Variants in TSNARE1 observed in about 807,000 individuals in gnomAD.
TSNARE1 encodes the protein t-SNARE domain-containing protein 1.
A neutral mutation model predicts 62.0 loss-of-function variants in TSNARE1; 49 were observed. The ratio of observed to expected loss-of-function variants is 0.79; its 90% confidence interval spans 0.63 to 1.00. TSNARE1 has a LOEUF of 1.00. Ranked by LOEUF, TSNARE1 falls within the 50% of genes least tolerant of loss-of-function variation. The probability of loss-of-function intolerance (pLI) is 0.00; values close to 1 mark genes in which losing one functional copy is unlikely to be tolerated. For missense variants in TSNARE1, 755 were observed against 700.1 expected (o/e 1.08, Z -0.88); for synonymous variants, 328 against 294.4 (o/e 1.11, Z -1.17).
At chr8:142,223,424 T>G (rs1195601804) in intron 13 of TSNARE1, among the ~76,000 whole-genome samples, 1 of 144,576 alleles carries the variant, frequency 6.9e-6, no homozygotes, top group Non-Finnish European at 1.5e-5. Context: ...TCACTCATAC[T>G]CATTCACTCA....
intron 1 of TSNARE1, among the ~76,000 whole-genome samples, chr8:142,398,697 G>C (rs1293686992): frequency 2.0e-5 from 3 of 152,208 alleles, no homozygotes; most frequent in African/African-American, 7.2e-5. Context: ...CATGGCCTTA[G>C]CATAGTCTCA....
chr8:142,307,533 G>C (rs1016113144), intron 9 of TSNARE1, among the ~76,000 whole-genome samples: 3 of 152,062 alleles, frequency 2.0e-5, no homozygotes, highest in African/African-American at 7.2e-5. Context: ...ATCACCTCTA[G>C]GTTGCCTATA....
intron 12 of TSNARE1, chr8:142,273,602 T>C (rs34667744): frequency 0.47 from 465,412 of 985,132 alleles, 111,795 homozygotes; most frequent in African/African-American, 0.69. Flanking sequence ...CAACAGGGAC[T>C]GACCCTTGGT....
At position 142,349,891 on chromosome 8, in the gene TSNARE1, A is replaced by G. The variant is rs115753995; in HGVS notation, c.89-3999T>C. On this transcript the variant is annotated intron_variant, in intron 2 of 13. Coordinates refer to ENST00000524325, the MANE Select transcript of TSNARE1 (RefSeq NM_145003.5). ...GCAGGCAGGGTGGGTAGACAGGGCAAGGCAGACAGGGCAGGGACCAAGCAG... is the reference window on the plus strand; with the variant it reads ...GCAGGCAGGGTGGGTAGACAGGGCAGGGCAGACAGGGCAGGGACCAAGCAG... Among the ~76,000 whole-genome samples, 914 of 145,114 alleles carry G rather than the reference A, an allele frequency of 6.3e-3. 10 individuals are homozygous for G. The highest frequency in any genetic ancestry group is 0.022 in the African/African-American group (857 of 38,812).
At chr8:142,284,127 AGGGCCAGTGTCTGTCAATGAGCAGAGTGG>A (rs1563827238) in intron 11 of TSNARE1, among the ~76,000 whole-genome samples, 1 of 100,522 alleles carries the variant, frequency 9.9e-6, no homozygotes, top group Admixed American at 9.0e-5. Context: ...GAGGAGAGGC[AGGGCCAGTGTCTGTCAATGAGCAGAGTGG>A]GGGCCAGTGT....
intron 13 of TSNARE1, among the ~76,000 whole-genome samples, chr8:142,223,321 T>TTCAC (rs1816581990): frequency 1.1e-5 from 1 of 87,742 alleles, no homozygotes; most frequent in South Asian, 4.0e-4. Context: ...CACTCACTCA[T>TTCAC]TCACTCACTC....
At chr8:142,375,361 G>A (rs1394935321) in intron 1 of TSNARE1, among the ~76,000 whole-genome samples, 3 of 152,260 alleles carry the variant, frequency 2.0e-5, no homozygotes, top group East Asian at 1.9e-4. Context: ...CGGGTAGCAG[G>A]TGAGGAGCGC....
intron 6 of TSNARE1, among the ~76,000 whole-genome samples, chr8:142,323,305 C>T (rs764544059): frequency 1.3e-5 from 2 of 152,148 alleles, no homozygotes; most frequent in South Asian, 2.1e-4. Flanking sequence ...GGAGGAGATG[C>T]GTTTGGGCAG....
chr8:142,366,995 T>C (rs527240397), intron 1 of TSNARE1, among the ~76,000 whole-genome samples: 33 of 152,272 alleles, frequency 2.2e-4, no homozygotes, highest in African/African-American at 7.7e-4. Flanking sequence ...GAGGCTGCCA[T>C]GGTAGGAAAA....
At chr8:142,224,742 C>T (rs1250360001) in intron 13 of TSNARE1, among the ~76,000 whole-genome samples, 1 of 151,310 alleles carries the variant, frequency 6.6e-6, no homozygotes, top group Non-Finnish European at 1.5e-5. Context: ...GGGCTGGCCT[C>T]TTGGAGCTCC....
At chr8:142,331,173 C>T (rs1043385417) in intron 5 of TSNARE1, among the ~76,000 whole-genome samples, 1 of 152,252 alleles carries the variant, frequency 6.6e-6, no homozygotes, top group African/African-American at 2.4e-5. Flanking sequence ...GAACCCCTCC[C>T]CAGCTGGCCT....
intron 1 of TSNARE1, among the ~76,000 whole-genome samples, chr8:142,402,467 G>A (rs1838364572): frequency 6.6e-6 from 1 of 152,256 alleles, no homozygotes; most frequent in African/African-American, 2.4e-5. Context: ...CAGGAGGAGT[G>A]CGCCATGAGG....
chr8:142,368,189 G>C (rs1835684814), intron 1 of TSNARE1, among the ~76,000 whole-genome samples: 2 of 150,374 alleles, frequency 1.3e-5, no homozygotes, highest in South Asian at 4.2e-4. Flanking sequence ...AGGGAGAAAA[G>C]ATTTGCAACA....
At chr8:142,338,421 C>A (rs1190020030) in intron 4 of TSNARE1, among the ~76,000 whole-genome samples, 2 of 152,240 alleles carry the variant, frequency 1.3e-5, no homozygotes, top group African/African-American at 2.4e-5. Context: ...CACAGCCACT[C>A]CACAGTGAGC....
Position 142,300,623 on chromosome 8 carries a change from C to T in TSNARE1, c.1153G>A (p.Glu385Lys), listed in dbSNP as rs947173320. ...SKQSPQAPFA[E>K]LADDEKVFNG... ...AAGACCTTCTCATCATCAGCCAGCT[C>T]GGCAAACGGGGCCTGGGGACTCTGC... is the stretch of plus-strand genomic sequence containing the variant. Residue 385 changes from glutamate (E) to lysine (K), a missense_variant, in exon 10 of 14, where the codon GAG becomes AAG. Transcript: ENST00000524325. 9 of 1,613,476 alleles carry T rather than the reference C, an allele frequency of 5.6e-6. No individual in the cohort carries two copies. The highest frequency in any genetic ancestry group is 2.2e-5 in the East Asian group (1 of 44,884).
intron 12 of TSNARE1, among the ~76,000 whole-genome samples, chr8:142,262,744 G>A (rs963950297): frequency 5.9e-5 from 9 of 151,538 alleles, no homozygotes; most frequent in Non-Finnish European, 8.9e-5. Flanking sequence ...CTTCCACCAT[G>A]ATTGTAAGTT....
chr8:142,218,028 G>A (rs1425794857), intron 13 of TSNARE1, among the ~76,000 whole-genome samples: 2 of 116,852 alleles, frequency 1.7e-5, no homozygotes, highest in African/African-American at 7.4e-5. Context: ...CCAGGATCAG[G>A]GCCCAGTATG....
chr8:142,293,836 T>C (rs1006021327), intron 10 of TSNARE1, among the ~76,000 whole-genome samples: 1 of 152,142 alleles, frequency 6.6e-6, no homozygotes, highest in African/African-American at 2.4e-5. Context: ...TTCAGCCCCA[T>C]GGGGCCCTCA....
Position 142,311,290 on chromosome 8 carries a change from G to GTTTTTTTTTTTTTTTTTTTTTTTT in TSNARE1, c.1131+3070_1131+3093dup, listed in dbSNP as rs58755110. On this transcript the variant is annotated intron_variant, in intron 9 of 13. Coordinates refer to ENST00000524325, the MANE Select transcript of TSNARE1 (RefSeq NM_145003.5). ...CGATTCTCCTGCCTCAGCCTCTCTA[G>GTTTTTTTTTTTTTTTTTTTTTTTT]TTTTTTTTTTTTTTTTTTTTTTTTG... Among the ~76,000 whole-genome samples, 97 of 57,344 alleles carry GTTTTTTTTTTTTTTTTTTTTTTTT rather than the reference G, an allele frequency of 1.7e-3. 5 individuals carry two copies. Among genetic ancestry groups the GTTTTTTTTTTTTTTTTTTTTTTTT allele is most frequent in the East Asian group, 3.7e-3 (6 of 1,612 alleles). 37.6% of individuals were successfully genotyped at this position (57,344 alleles called of 152,430 possible).
Sources: gnomAD v4.1 joint callset for allele counts (sites outside exome capture counted in the v4.1 genomes callset) on GRCh38, gnomAD v4.1.1 for gene constraint, MANE v1.5 for transcripts, NCBI Gene and HGNC (gene_info 2026-07-23, HGNC 2026-07-21) for gene names.